Variants in AOPEP observed in about 807,000 individuals in gnomAD.
The protein encoded by AOPEP is aminopeptidase O (putative).
A neutral mutation model predicts 98.1 loss-of-function variants in AOPEP; 77 were observed. The ratio of observed to expected loss-of-function variants is 0.78; its 90% CI spans 0.65 to 0.95. The LOEUF is 0.95. AOPEP is among the 40% of genes least tolerant of loss of function. The probability of loss-of-function intolerance (pLI) is 0.00; values close to 1 mark genes in which losing one functional copy is unlikely to be tolerated. For missense variants in AOPEP, 1,024 were observed against 1,024.7 expected (o/e 1.00, Z 0.01); for synonymous variants, 346 against 365.3 (o/e 0.95, Z 0.60).
At chr9:94,983,194 T>C (rs2060301728) in intron 11 of AOPEP, among the ~76,000 whole-genome samples, 1 of 152,130 alleles carries the variant, frequency 6.6e-6, no homozygotes, top group Admixed American at 6.5e-5. Flanking sequence ...CCTGCTAATT[T>C]TTGTATTTTT....
At chr9:94,793,856 C>T (rs188427321) in intron 4 of AOPEP, among the ~76,000 whole-genome samples, 39 of 152,300 alleles carry the variant, frequency 2.6e-4, no homozygotes, top group Middle Eastern at 3.4e-3. Flanking sequence ...CTCCTCTCCT[C>T]CCATACCTTT....
intron 5 of AOPEP, among the ~76,000 whole-genome samples, chr9:94,822,350 C>T (rs1564196677): frequency 6.6e-6 from 1 of 152,136 alleles, no homozygotes; most frequent in East Asian, 1.9e-4. Context: ...GTCTCTAAGA[C>T]CAAGGGAAAT....
downstream of AOPEP, among the ~76,000 whole-genome samples, chr9:95,088,974 C>T (rs934537386): frequency 5.3e-5 from 8 of 152,196 alleles, no homozygotes; most frequent in Admixed American, 1.3e-4. Flanking sequence ...GCACCCTGCC[C>T]GTGCTGGGGC....
At chr9:94,969,381 G>A (rs1564462221) in intron 10 of AOPEP, among the ~76,000 whole-genome samples, 1 of 151,662 alleles carries the variant, frequency 6.6e-6, no homozygotes, top group Admixed American at 6.6e-5. Context: ...TCTTGATTTA[G>A]GCGTTAAAAA....
intron 7 of AOPEP, among the ~76,000 whole-genome samples, chr9:94,947,923 A>G (rs1564431281): frequency 6.6e-6 from 1 of 152,144 alleles, no homozygotes; most frequent in Non-Finnish European, 1.5e-5. Flanking sequence ...TTACATTTGC[A>G]TTCCTCCTGT....
At chr9:94,739,226 C>T (rs1832505037) in intron 1 of AOPEP, among the ~76,000 whole-genome samples, 1 of 152,198 alleles carries the variant, frequency 6.6e-6, no homozygotes. Flanking sequence ...CCTTAGCTCC[C>T]AACTTTCCTT....
Position 95,005,562 on chromosome 9 carries a change from G to C in AOPEP, c.2061G>C (p.Val687=), listed in dbSNP as rs146920018. ...VRAEVTKWIG[V]NRRPRKRKRR... is the part of the protein sequence containing the mutation. ...CTCAGGTCACGAAATGGATTGGAGTGAACCGGAGACCCCGAAAACGGAAGC... is the reference window on the plus strand; with the variant it reads ...CTCAGGTCACGAAATGGATTGGAGTCAACCGGAGACCCCGAAAACGGAAGC... Residue 687 remains valine, a synonymous_variant, in exon 13 of 17, where the codon GTG becomes GTC. Coordinates refer to ENST00000375315, the MANE Select transcript of AOPEP (RefSeq NM_001193329.3). 7 of 1,613,966 alleles carry C rather than the reference G, an allele frequency of 4.3e-6. No individual in the cohort carries two copies. The highest frequency in any genetic ancestry group is 5.1e-6 in the Non-Finnish European group (6 of 1,179,988).
intron 10 of AOPEP, among the ~76,000 whole-genome samples, chr9:94,976,893 C>G (rs1428044061): frequency 3.9e-5 from 6 of 152,172 alleles, no homozygotes; most frequent in Non-Finnish European, 8.8e-5. Context: ...TCTTGAACTC[C>G]TGGCCTCAAG....
chr9:94,855,909 A>G (rs1405961204), intron 5 of AOPEP, among the ~76,000 whole-genome samples: 1 of 152,198 alleles, frequency 6.6e-6, no homozygotes, highest in Non-Finnish European at 1.5e-5. Flanking sequence ...TATATATAAC[A>G]AAGGACAGGC....
intron 5 of AOPEP, among the ~76,000 whole-genome samples, chr9:94,847,127 T>TAC (rs57318947): frequency 0.12 from 14,396 of 125,130 alleles, 918 homozygotes; most frequent in South Asian, 0.18. Context: ...GTTCCCTTTG[T>TAC]ACACACACAC....
downstream of AOPEP, among the ~76,000 whole-genome samples, chr9:95,091,394 C>T (rs2070864874): frequency 6.6e-6 from 1 of 152,198 alleles, no homozygotes; most frequent in African/African-American, 2.4e-5. Flanking sequence ...TGCTGCCTGG[C>T]ACTTTGTCAG....
At position 95,005,576 on chromosome 9, in the gene AOPEP, G is replaced by A; in HGVS notation, c.2075G>A (p.Arg692Gln). ...TKWIGVNRRP[R>Q]KRKRREKEEV... ...TGGATTGGAGTGAACCGGAGACCCC[G>A]AAAACGGAAGCGCAGGGAGAAGGAA... is the stretch of plus-strand genomic sequence containing the variant. Residue 692 changes from arginine to glutamine, a missense_variant, in exon 13 of 17, where the codon CGA becomes CAA. Arg to Gln is a conservative substitution (Grantham distance 43). Transcript: ENST00000375315. The A allele has an allele frequency of 6.2e-7, 1 of 1,613,994 alleles. No homozygotes were observed. Among genetic ancestry groups the A allele is most frequent in the Non-Finnish European group, 8.5e-7 (1 of 1,179,934 alleles).
chr9:94,760,109 C>G lies in AOPEP; in HGVS notation c.326C>G (p.Thr109Ser). Residue 109 changes from threonine to serine, a missense_variant, in exon 2 of 17, where the codon ACT becomes AGT. Around this residue, in one of 3 missense-constraint regions of AOPEP, gnomAD observed 440 missense variants for 433.8 expected, o/e 1.01. Coordinates refer to ENST00000375315, the MANE Select transcript of AOPEP (RefSeq NM_001193329.3). ...ATCTGTAGTAAAGGTGAAAAAGATA[C>G]TTCTGATAAAGATGGTAACCATGAC... is the stretch of plus-strand genomic sequence containing the variant. ...FAICSKGEKD[T>S]SDKDGNHDNQ... 1 of 1,614,154 alleles carries G rather than the reference C, an allele frequency of 6.2e-7. No homozygotes were observed. Among genetic ancestry groups the G allele is most frequent in the Non-Finnish European group, 8.5e-7 (1 of 1,180,012 alleles).
At chr9:95,072,573 C>T (rs1027124227) in intron 14 of AOPEP, among the ~76,000 whole-genome samples, 13 of 152,134 alleles carry the variant, frequency 8.5e-5, no homozygotes, top group Non-Finnish European at 1.9e-4. Flanking sequence ...TTGGAAGCTG[C>T]AGTGTGCCAT....
At chr9:94,941,143 A>G (rs1028698215) in intron 7 of AOPEP, among the ~76,000 whole-genome samples, 11 of 152,184 alleles carry the variant, frequency 7.2e-5, no homozygotes, top group African/African-American at 2.7e-4. Context: ...TGGAACCTAC[A>G]TCTAGTCCAG....
At chr9:94,900,176 A>G (rs1037853676) in intron 5 of AOPEP, among the ~76,000 whole-genome samples, 42 of 152,326 alleles carry the variant, frequency 2.8e-4, no homozygotes, top group African/African-American at 9.9e-4. Context: ...ATGTGAGCCA[A>G]CCTCTCAGCC....
chr9:94,750,822 A>G (rs1317308040), intron 1 of AOPEP, among the ~76,000 whole-genome samples: 7 of 137,018 alleles, frequency 5.1e-5, no homozygotes, highest in Non-Finnish European at 1.1e-4. Flanking sequence ...ATCTCGGCTC[A>G]CTGCAAGCTC....
the AOPEP span, among the ~76,000 whole-genome samples, chr9:95,102,059 C>T: frequency 6.6e-6 from 1 of 152,174 alleles, no homozygotes; most frequent in Non-Finnish European, 1.5e-5. Flanking sequence ...GTGAGCGGTG[C>T]CATTTCCTAA....
At chr9:94,898,648 G>A (rs1157862367) in intron 5 of AOPEP, among the ~76,000 whole-genome samples, 4 of 134,938 alleles carry the variant, frequency 3.0e-5, no homozygotes, top group Non-Finnish European at 3.2e-5. Flanking sequence ...AAAATAAAAT[G>A]AAAAAAAAAA....
Sources: gnomAD v4.1 joint callset for allele counts (sites outside exome capture counted in the v4.1 genomes callset) on GRCh38, gnomAD v4.1.1 for gene constraint, gnomAD v4.1.1 regional missense constraint, MANE v1.5 for transcripts, NCBI Gene and HGNC (gene_info 2026-07-23, HGNC 2026-07-21) for gene names.